Variants in ADAMTS2 observed in about 807,000 individuals in gnomAD.
ADAMTS2 encodes the protein A disintegrin and metalloproteinase with thrombospondin motifs 2.
In ADAMTS2, 50 loss-of-function variants were observed where a neutral mutation model predicts 123.0. That is an observed-to-expected ratio of 0.41 (90% CI 0.32 to 0.51). ADAMTS2 has a LOEUF of 0.51. Among genes scored for constraint, ADAMTS2 ranks in the 20% least tolerant of loss-of-function variants. The pLI, the probability that ADAMTS2 is intolerant of heterozygous loss-of-function variation, is 0.35. For missense variants in ADAMTS2, 1,494 were observed against 1,705.2 expected (o/e 0.88, Z 2.18); for synonymous variants, 678 against 695.4 (o/e 0.98, Z 0.39).
intron 2 of ADAMTS2, among the ~76,000 whole-genome samples, chr5:179,274,559 T>G (rs979909736): frequency 6.6e-6 from 1 of 152,194 alleles, no homozygotes; most frequent in African/African-American, 2.4e-5. Context: ...AGTAACCTCA[T>G]GATGGCCTCT....
At chr5:179,267,595 C>G (rs1262905941) in intron 3 of ADAMTS2, among the ~76,000 whole-genome samples, 1 of 152,218 alleles carries the variant, frequency 6.6e-6, no homozygotes, top group Non-Finnish European at 1.5e-5. Flanking sequence ...CCGGGGCGAG[C>G]CCCAGGAGAG....
At chr5:179,237,231 C>T (rs549229827) in intron 3 of ADAMTS2, among the ~76,000 whole-genome samples, 1 of 152,278 alleles carries the variant, frequency 6.6e-6, no homozygotes. Flanking sequence ...CCACTGCACT[C>T]CAGCCTAGGT....
In ADAMTS2 at chr5:179,343,812, G is replaced by A. The variant is rs1369740340; in HGVS notation, c.489C>T (p.Gly163=). 1.2e-6 allele frequency: 2 copies of A among 1,611,016 alleles called. No individual in the cohort carries two copies. The highest frequency in any genetic ancestry group is 8.5e-7 in the Non-Finnish European group (1 of 1,179,416). ...GSCLYVGDVA[G]LAEASSVALS... Reference sequence around the variant, plus strand: ...GCGCCACAGAGGAGGCTTCGGCTAGGCCGGCCACGTCTCCGACGTAGAGAC... The same window carrying A: ...GCGCCACAGAGGAGGCTTCGGCTAGACCGGCCACGTCTCCGACGTAGAGAC... Residue 163 remains glycine, a synonymous_variant, in exon 2 of 22, where the codon GGC becomes GGT. Transcript: ENST00000251582.
In ADAMTS2 at chr5:179,270,734, T is replaced by G. The variant is rs180688546; in HGVS notation, c.688+2177A>C. Among the ~76,000 whole-genome samples, 927 of 152,240 alleles carry G rather than the reference T, an allele frequency of 6.1e-3. 8 individuals are homozygous for G. Among genetic ancestry groups the G allele is most frequent in the Non-Finnish European group, 0.01 (696 of 67,990 alleles). The stretch of plus-strand genomic sequence containing the variant: ...CGGCACTCACTGGGCCTGGTGCCCT[T>G]CCAGTCAGTGTGTCGATCTCAGCCC... On this transcript the variant is annotated intron_variant, in intron 3 of 21. Coordinates refer to ENST00000251582, the MANE Select transcript of ADAMTS2 (RefSeq NM_014244.5).
chr5:179,285,891 T>A lies in ADAMTS2; in HGVS notation c.535-12827A>T, dbSNP rs1756005708. On this transcript the variant is annotated intron_variant, in intron 2 of 21. Transcript: ENST00000251582. This position sits in a 1 kb window ranked among gnomAD's most constrained non-coding sequence, Gnocchi z 4.9. ...GAGACGTGTGGTGGAGGAGAGCTCA[T>A]GGAATAAGGTCCAACTTCCCCATTC... is the stretch of plus-strand genomic sequence containing the variant. Among the ~76,000 whole-genome samples, 6 of 152,090 alleles carry A rather than the reference T, an allele frequency of 3.9e-5. No homozygotes were observed.
chr5:179,271,432 G>T (rs1210228404), intron 3 of ADAMTS2, among the ~76,000 whole-genome samples: 1 of 152,234 alleles, frequency 6.6e-6, no homozygotes, highest in Non-Finnish European at 1.5e-5. Flanking sequence ...GGACACAGGG[G>T]TTGCTAATGC....
At chr5:179,245,783 A>AAAAAC (rs1765781613) in intron 3 of ADAMTS2, among the ~76,000 whole-genome samples, 1 of 138,856 alleles carries the variant, frequency 7.2e-6, no homozygotes, top group African/African-American at 2.6e-5. Flanking sequence ...AAAAAAAAAA[A>AAAAAC]AAAAAAAAAA....
intron 20 of ADAMTS2, 96 bp downstream of exon 20, chr5:179,122,548 C>G: frequency 6.7e-7 from 1 of 1,497,670 alleles, no homozygotes; most frequent in East Asian, 2.5e-5. Context: ...CAGCTACTCT[C>G]CGGGAAGAGC....
At chr5:179,131,678 C>T (rs1041644082) in intron 15 of ADAMTS2, among the ~76,000 whole-genome samples, 18 of 152,058 alleles carry the variant, frequency 1.2e-4, no homozygotes, top group African/African-American at 4.3e-4. Flanking sequence ...GCGTGGTCTC[C>T]CAGGCAGCGC....
Position 179,189,134 on chromosome 5 carries a change from T to C in ADAMTS2, c.892-7979A>G, listed in dbSNP as rs252071. Among the ~76,000 whole-genome samples, 43,790 of 152,070 alleles carry C rather than the reference T, an allele frequency of 0.29. 7,145 individuals carry two copies. Among genetic ancestry groups the C allele is most frequent in the Non-Finnish European group, 0.37 (25,263 of 67,970 alleles). On this transcript the variant is annotated intron_variant, in intron 4 of 21. Transcript: ENST00000251582. The surrounding 1 kb of genome is among the most constrained non-coding windows in gnomAD (Gnocchi z 4.2). ...TTTATCTATAAAATGGAGATAATAATAGTCCCTGTGTCTCAGGGTTGTTTC... is the reference window on the plus strand; with the variant it reads ...TTTATCTATAAAATGGAGATAATAACAGTCCCTGTGTCTCAGGGTTGTTTC...
At chr5:179,299,325 G>C (rs4425494) in intron 2 of ADAMTS2, among the ~76,000 whole-genome samples, 15,685 of 38,446 alleles carry the variant, frequency 0.41, 4,067 homozygotes, top group Admixed American at 0.47. Context: ...GTCAGGAGAT[G>C]GAGACCATCC....
rs987939676 is a variant in ADAMTS2, at chr5:179,285,746, C to T, written c.535-12682G>A. ...ACATTCACATAAATAACAGGGCGCT[C>T]TCTACTAAAGAAGAAAAATGACTCG... On this transcript the variant is annotated intron_variant, in intron 2 of 21. Transcript: ENST00000251582. The surrounding 1 kb of genome is among the most constrained non-coding windows in gnomAD (Gnocchi z 4.9). Among the ~76,000 whole-genome samples, 2 of 152,220 alleles carry T rather than the reference C, an allele frequency of 1.3e-5. No homozygotes were observed. The highest frequency in any genetic ancestry group is 6.5e-5 in the Admixed American group (1 of 15,280).
rs909354025 is a variant in ADAMTS2, at chr5:179,128,197, A to G, written c.2458-79T>C. The G allele has an allele frequency of 6.4e-7, 1 of 1,564,988 alleles. No individual in the cohort carries two copies. The highest frequency in any genetic ancestry group is 8.7e-7 in the Non-Finnish European group (1 of 1,148,966). On this transcript the variant is annotated intron_variant, in intron 16 of 21. Coordinates refer to ENST00000251582, the MANE Select transcript of ADAMTS2 (RefSeq NM_014244.5). This position sits in a 1 kb window ranked among gnomAD's most constrained non-coding sequence, Gnocchi z 4.9. ...CCAGCCAGCTTAGGAACGGCAGCTG[A>G]GGCCGACTCCAGAGGAGTCTCATCA... is the stretch of plus-strand genomic sequence containing the variant.
chr5:179,130,114 C>A lies in ADAMTS2; in HGVS notation c.2291-16G>T, dbSNP rs1464767382. On this transcript the variant is annotated splice_polypyrimidine_tract_variant and intron_variant, in intron 15 of 21. Transcript: ENST00000251582. This position sits in a 1 kb window ranked among gnomAD's most constrained non-coding sequence, Gnocchi z 4.3. ...TTCTTGACGGCTGAGAATGGCAAGA[C>A]CAAGTCCCCCGTTGTGGTCACCCAA... 1.9e-6 allele frequency: 3 copies of A among 1,613,670 alleles called. No individual in the cohort carries two copies.
At chr5:179,268,268 C>T (rs1170129352) in intron 3 of ADAMTS2, among the ~76,000 whole-genome samples, 2 of 152,266 alleles carry the variant, frequency 1.3e-5, no homozygotes, top group Non-Finnish European at 2.9e-5. Context: ...TGCATTCCCA[C>T]TGCTGTTTCT....
chr5:179,163,588 T>TG (rs1246329417), intron 5 of ADAMTS2, among the ~76,000 whole-genome samples: 1 of 152,178 alleles, frequency 6.6e-6, no homozygotes, highest in Non-Finnish European at 1.5e-5. Context: ...AGCCCTGCAG[T>TG]GGGCAGCCCC....
chr5:179,276,196 G>A (rs1048850790), intron 2 of ADAMTS2, among the ~76,000 whole-genome samples: 1 of 152,156 alleles, frequency 6.6e-6, no homozygotes, highest in African/African-American at 2.4e-5. Context: ...CGTCCCCCAA[G>A]GGAGGCACCG....
rs957137086 is a variant in ADAMTS2 at position 179,260,343 on chromosome 5, T to G, written c.688+12568A>C. On this transcript the variant is annotated intron_variant, in intron 3 of 21. Coordinates refer to ENST00000251582, the MANE Select transcript of ADAMTS2 (RefSeq NM_014244.5). This position sits in a 1 kb window ranked among gnomAD's most constrained non-coding sequence, Gnocchi z 4.2. ...TACGCACCAACCGTGTGCCAGGCAT[T>G]CCTCAAAATGCTGCAAATTCCACTG... 1.3e-5 allele frequency among the ~76,000 whole-genome samples: 2 copies of G among 152,182 alleles called. No individual in the cohort carries two copies. Among genetic ancestry groups the G allele is most frequent in the African/African-American group, 4.8e-5 (2 of 41,438 alleles).
intron 8 of ADAMTS2, 21 bp from the exon 9 acceptor site, chr5:179,153,644 C>T (rs776791314): frequency 1.8e-5 from 29 of 1,595,738 alleles, no homozygotes; most frequent in South Asian, 1.7e-4. Context: ...CACACGGTGC[C>T]GCGAGCAGCC....
Sources: allele counts gnomAD v4.1 joint callset (sites outside exome capture counted in the v4.1 genomes callset), GRCh38; gene constraint gnomAD v4.1.1; non-coding constraint Gnocchi (gnomAD v3.1); transcripts MANE v1.5; gene names NCBI Gene and HGNC (gene_info 2026-07-23, HGNC 2026-07-21).